The following APC2 variants were observed in gnomAD, a reference collection of about 807,000 sequenced individuals.
APC2 encodes APC regulator of Wnt signaling pathway 2.
Under a neutral mutation model 72.5 loss-of-function variants are expected in APC2, and 41 were observed. The observed-to-expected ratio is 0.57, with a 90% CI of 0.44 to 0.73. The LOEUF (loss-of-function observed/expected upper bound fraction) is 0.73, where lower values mean the gene tolerates loss of function less well. Among genes scored for constraint, APC2 ranks in the 30% least tolerant of loss-of-function variants. APC2 has a pLI of 0.00. For missense variants in APC2, 3,729 were observed against 3,403.4 expected, an observed-to-expected ratio of 1.10 and a Z score of -2.38; for synonymous variants, 1,898 against 1,612.0, an observed-to-expected ratio of 1.18 and a Z score of -4.25.
rs1177437992 is a variant in APC2 at position 1,469,418 on chromosome 19, C to T, written c.6117C>T (p.Cys2039=). The change falls in exon 15 of 15, where the codon TGC becomes TGT. Residue 2039 remains cysteine (C), a synonymous_variant. Transcript: ENST00000590469. ...CCGCGCTGCCCGCCGTCTTCCTCTG[C>T]TCCTCGCGCTGCGAAGAGCTCCGAG... ...GRPALPAVFL[C]SSRCEELRAA... The T allele has an allele frequency of 1.4e-5, 17 of 1,190,700 alleles. No individual in the cohort carries two copies. The highest frequency in any genetic ancestry group is 1.7e-5 in the Non-Finnish European group (16 of 963,678). 73.8% of individuals were successfully genotyped at this position (1,190,700 alleles called of 1,614,324 possible).
At chr19:1,461,324 G>GT in intron 13 of APC2, 171 bp downstream of exon 13, 1 of 633,370 alleles carries the variant, frequency 1.6e-6, no homozygotes, top group East Asian at 2.7e-5. Flanking sequence ...ACTGCTCTTT[G>GT]AAAGCAAATG....
In APC2 at chr19:1,468,913, C is replaced by A; in HGVS notation, c.5612C>A (p.Thr1871Asn). 2 of 1,527,336 alleles carry A rather than the reference C, an allele frequency of 1.3e-6. No homozygotes were observed. The highest frequency in any genetic ancestry group is 1.7e-6 in the Non-Finnish European group (2 of 1,144,414). The allele number at this position is 1,527,336 out of a possible 1,614,324, so 94.6% of individuals were successfully genotyped here. A position where few individuals can be genotyped will look rare whatever the true frequency, so the allele number is the denominator to read the frequency against. Residue 1871 changes from threonine to asparagine, a missense_variant, in exon 15 of 15, where the codon ACC (threonine) becomes AAC (asparagine). Coordinates refer to ENST00000590469, the MANE Select transcript of APC2 (RefSeq NM_005883.3). ...ACACCGCCCGCCCGCCTCGCCAAGA[C>A]CCCCTCCTCCAGCTCCTCCCAGACC... ...SATPPARLAKTPSSSSSQTSP... is the reference protein window; with the variant it reads ...SATPPARLAKNPSSSSSQTSP...
In APC2 at chr19:1,452,870, C is replaced by A. The variant is rs899933553; in HGVS notation, c.-18-114C>A. 6.8e-6 allele frequency: 9 copies of A among 1,318,476 alleles called. No homozygotes were observed. The Admixed American group carries it at 7.4e-5, about 11-fold the overall frequency. The allele number at this position is 1,318,476 out of a possible 1,614,324, so 81.7% of individuals were successfully genotyped here. ...CAGTGACTCCTGCCTGAGACCCCCC[C>A]CAACCCAGGATCAGGCAGGACGGCT... On this transcript the variant is annotated intron_variant, in intron 1 of 14. Coordinates refer to ENST00000590469, the MANE Select transcript of APC2 (RefSeq NM_005883.3). The surrounding 1 kb of genome is among the most constrained non-coding windows in gnomAD (Gnocchi z 5.1).
At position 1,468,835 on chromosome 19, in the gene APC2, G is replaced by A. The variant is rs757325665; in HGVS notation, c.5534G>A (p.Arg1845Gln). 3.9e-6 allele frequency: 6 copies of A among 1,551,446 alleles called. No homozygotes were observed. The East Asian group carries it at 7.2e-5, about 19-fold the overall frequency. The change falls in exon 15 of 15, where the codon CGG (arginine) becomes CAG (glutamine). Residue 1845 changes from arginine to glutamine, a missense_variant. By Grantham distance (43) the Arg-to-Gln change is conservative. Coordinates refer to ENST00000590469, the MANE Select transcript of APC2 (RefSeq NM_005883.3). ...PGQQRSRSLH[R>Q]PAKTSELATL... Reference sequence around the variant, plus strand: ...CAGCAGCGGTCGCGGAGCCTACACCGGCCTGCCAAGACCTCGGAGCTGGCG... The same window carrying A: ...CAGCAGCGGTCGCGGAGCCTACACCAGCCTGCCAAGACCTCGGAGCTGGCG...
At chr19:1,451,668 C>T (rs148177387) in intron 1 of APC2, 2,490 of 152,412 alleles carry the variant, frequency 0.016, 61 homozygotes, top group Non-Finnish European at 0.019. Flanking sequence ...TGCCAGACCT[C>T]GGTTCCTAGG....
At chr19:1,453,753 C>G in intron 4 of APC2, 142 bp downstream of exon 4, 1 of 1,161,760 alleles carries the variant, frequency 8.6e-7, no homozygotes, top group Non-Finnish European at 1.2e-6. Flanking sequence ...CACTGCCCAC[C>G]GAACAACCCC....
chr19:1,460,190 A>G lies in APC2; in HGVS notation c.1313A>G (p.Gln438Arg). 1 of 1,613,386 alleles carries G rather than the reference A, an allele frequency of 6.2e-7. No homozygotes were observed. The highest frequency in any genetic ancestry group is 8.5e-7 in the Non-Finnish European group (1 of 1,180,002). Residue 438 changes from glutamine to arginine, a missense_variant, in exon 11 of 15, where the codon CAG (glutamine) becomes CGG (arginine). Gln to Arg is a conservative substitution (Grantham distance 43). Transcript: ENST00000590469. ...RRAMNELGGLQAVAELLQVDY... is the reference protein window; with the variant it reads ...RRAMNELGGLRAVAELLQVDY... ...TGTTGGGTCCTCACAGGTGGGCTGC[A>G]GGCCGTGGCAGAGCTGCTGCAGGTT...
rs150932990 is a variant in APC2, at chr19:1,460,308, C to T, written c.1431C>T (p.Asp477=). 3.2e-5 allele frequency: 52 copies of T among 1,613,352 alleles called. 1 individual carries two copies. Among genetic ancestry groups the T allele is most frequent in the Admixed American group, 2.8e-4 (17 of 60,012 alleles). ...CCCTCACCAACCTCACCTTTGGGGA[C>T]GTTGCCAACAAGGTGCCCGGGGGCA... is the stretch of plus-strand genomic sequence containing the variant. The part of the protein sequence containing the change: ...GMTLTNLTFG[D]VANKATLCAR... Residue 477 remains aspartate (D), a synonymous_variant, in exon 11 of 15, where the codon GAC becomes GAT. Coordinates refer to ENST00000590469, the MANE Select transcript of APC2 (RefSeq NM_005883.3).
At chr19:1,450,628 G>A (rs1356563212) in intron 1 of APC2, among the ~76,000 whole-genome samples, 2 of 152,202 alleles carry the variant, frequency 1.3e-5, no homozygotes, top group Admixed American at 6.5e-5. Flanking sequence ...CACCTCTCTG[G>A]GTGTCAGTTT....
chr19:1,457,396 T>C, intron 9 of APC2, 153 bp downstream of exon 9: 1 of 1,181,116 alleles, frequency 8.5e-7, no homozygotes, highest in Non-Finnish European at 1.1e-6. Context: ...GTGGGGGCAT[T>C]TGACGTTGGG....
rs375726078 is a variant in APC2 at position 1,460,326 on chromosome 19, C to T, written c.1443+6C>T. The T allele has an allele frequency of 2.6e-5, 42 of 1,613,150 alleles. No homozygotes were observed. The highest frequency in any genetic ancestry group is 8.0e-5 in the African/African-American group (6 of 74,950). On this transcript the variant is annotated splice_donor_region_variant and intron_variant, in intron 11 of 14. Coordinates refer to ENST00000590469, the MANE Select transcript of APC2 (RefSeq NM_005883.3). ...TTGGGGACGTTGCCAACAAGGTGCC[C>T]GGGGGCAGTGGGTGGGCTGGCACTT...
In APC2 at chr19:1,467,589, G is replaced by A. The variant is rs1231955416; in HGVS notation, c.4288G>A (p.Gly1430Ser). The change falls in exon 15 of 15, where the codon GGC (glycine) becomes AGC (serine). Residue 1430 changes from glycine (G) to serine (S), a missense_variant. Coordinates refer to ENST00000590469, the MANE Select transcript of APC2 (RefSeq NM_005883.3). ...GGPAGRQRPT[G>S]RPTSARQAMG... ...ACCAGCGGGCAGGCAAAGACCCACC[G>A]GCCGCCCCACCTCTGCCAGACAGGC... 24 of 1,512,030 alleles carry A rather than the reference G, an allele frequency of 1.6e-5. No individual in the cohort carries two copies. The highest frequency in any genetic ancestry group is 2.9e-5 in the African/African-American group (2 of 69,944). The allele number at this position is 1,512,030 out of a possible 1,614,324, so 93.7% of individuals were successfully genotyped here.
chr19:1,472,204 G>A lies in APC2; in HGVS notation c.*1991G>A, dbSNP rs2084146121. The A allele has an allele frequency of 6.6e-6, 1 of 152,322 alleles. No individual in the cohort carries two copies. The highest frequency in any genetic ancestry group is 2.1e-4 in the South Asian group (1 of 4,834). The allele number at this position is 152,322 out of a possible 1,614,324, so 9.4% of individuals were successfully genotyped here. On this transcript the variant is annotated 3_prime_UTR_variant, in exon 15 of 15. Transcript: ENST00000590469. ...CCATCCATGGCCCGAGGGGGAACCT[G>A]GTGGTCTCTTCTGAGCTTTTGGACT...
In APC2 at chr19:1,452,839, C is replaced by G. The variant is rs1387380064; in HGVS notation, c.-18-145C>G. ...CACCACCACGTGGGCCTGTACTTGTCCACACCAGTGACTCCTGCCTGAGAC... is the reference window on the plus strand; with the variant it reads ...CACCACCACGTGGGCCTGTACTTGTGCACACCAGTGACTCCTGCCTGAGAC... On this transcript the variant is annotated intron_variant, in intron 1 of 14. Coordinates refer to ENST00000590469, the MANE Select transcript of APC2 (RefSeq NM_005883.3). This position sits in a 1 kb window ranked among gnomAD's most constrained non-coding sequence, Gnocchi z 5.1. 1 of 1,029,852 alleles carries G rather than the reference C, an allele frequency of 9.7e-7. No individual in the cohort carries two copies. Among genetic ancestry groups the G allele is most frequent in the Admixed American group, 2.7e-5 (1 of 36,462 alleles). 63.8% of individuals were successfully genotyped at this position (1,029,852 alleles called of 1,614,324 possible).
At chr19:1,464,353 A>C (rs930130493) in intron 14 of APC2, among the ~76,000 whole-genome samples, 6 of 151,944 alleles carry the variant, frequency 3.9e-5, no homozygotes, top group African/African-American at 1.4e-4. Flanking sequence ...TTAAATAAGA[A>C]ATATTAAAAT....
At chr19:1,464,747 C>T (rs1312383846) in intron 14 of APC2, among the ~76,000 whole-genome samples, 1 of 150,140 alleles carries the variant, frequency 6.7e-6, no homozygotes, top group African/African-American at 2.5e-5. Context: ...GTGCTCGTGC[C>T]TCGGCCTCCC....
Position 1,465,980 on chromosome 19 carries a change from G to C in APC2, c.2679G>C (p.Ser893=), listed in dbSNP as rs184769239. Residue 893 remains serine (S), a synonymous_variant, in exon 15 of 15, where the codon TCG becomes TCC. Coordinates refer to ENST00000590469, the MANE Select transcript of APC2 (RefSeq NM_005883.3). The part of the protein sequence containing the change: ...APREGRAQSC[S]PCRGPEGGRR... ...GGGAGGGCCGCGCCCAGTCCTGCTCGCCATGCCGCGGCCCGGAGGGCGGGC... is the reference window on the plus strand; with the variant it reads ...GGGAGGGCCGCGCCCAGTCCTGCTCCCCATGCCGCGGCCCGGAGGGCGGGC... 2.0e-6 allele frequency: 3 copies of C among 1,530,560 alleles called. No individual in the cohort carries two copies. Among genetic ancestry groups the C allele is most frequent in the East Asian group, 2.5e-5 (1 of 40,362 alleles). 94.8% of individuals were successfully genotyped at this position (1,530,560 alleles called of 1,614,324 possible). A position where few individuals can be genotyped will look rare whatever the true frequency, so the allele number is the denominator to read the frequency against.
chr19:1,467,051 C>T lies in APC2; in HGVS notation c.3750C>T (p.Cys1250=), dbSNP rs1422345746. Residue 1250 remains cysteine, a synonymous_variant, in exon 15 of 15, where the codon TGC becomes TGT. Transcript: ENST00000590469. The stretch of plus-strand genomic sequence containing the variant: ...ACATCGCCGACTGCCGGGAGCGCTG[C>T]CGGCTGCCATCTGAGCTGGACGCAG... ...FLDIADCRER[C]RLPSELDAGS... 1.9e-6 allele frequency: 3 copies of T among 1,611,646 alleles called. No homozygotes were observed. Among genetic ancestry groups the T allele is most frequent in the Non-Finnish European group, 2.5e-6 (3 of 1,179,654 alleles).
chr19:1,462,747 G>T (rs1220423024), intron 14 of APC2, among the ~76,000 whole-genome samples: 2 of 151,344 alleles, frequency 1.3e-5, no homozygotes, highest in Non-Finnish European at 2.9e-5. Context: ...GAGGCGGGCG[G>T]ATCACGAGGT....
Sources: allele counts gnomAD v4.1 joint callset (sites outside exome capture counted in the v4.1 genomes callset), GRCh38; gene constraint gnomAD v4.1.1; non-coding constraint Gnocchi (gnomAD v3.1); transcripts MANE v1.5; gene names NCBI Gene and HGNC (gene_info 2026-07-23, HGNC 2026-07-21).